Variants in B3GALT1 observed in about 807,000 individuals in gnomAD.
B3GALT1 encodes beta-1,3-galactosyltransferase 1.
Under a neutral mutation model 23.2 loss-of-function variants are expected in B3GALT1, and 10 were observed. The observed-to-expected ratio is 0.43, with a 90% CI of 0.27 to 0.73. The LOEUF (loss-of-function observed/expected upper bound fraction) is 0.73, where lower values mean the gene tolerates loss of function less well. B3GALT1 is among the 30% of genes least tolerant of loss of function. The pLI, the probability that B3GALT1 is intolerant of heterozygous loss-of-function variation, is 0.21. For missense variants in B3GALT1, 299 were observed against 405.4 expected (o/e 0.74, Z 2.25); for synonymous variants, 156 against 141.5 (o/e 1.10, Z -0.73).
chr2:167,704,211 A>T (rs1686936531), intron 3 of B3GALT1, among the ~76,000 whole-genome samples: 1 of 149,790 alleles, frequency 6.7e-6, no homozygotes, highest in Non-Finnish European at 1.5e-5. Context: ...AAGGTAACTC[A>T]GAATTATAAA....
intron 1 of B3GALT1, among the ~76,000 whole-genome samples, chr2:167,390,763 C>G (rs1227230319): frequency 6.6e-6 from 1 of 151,546 alleles, no homozygotes; most frequent in East Asian, 2.0e-4. Flanking sequence ...GGTTCTGTGT[C>G]TGAAGCAGGT....
intron 1 of B3GALT1, among the ~76,000 whole-genome samples, chr2:167,382,332 T>A (rs866541548): frequency 9.2e-5 from 14 of 152,276 alleles, no homozygotes; most frequent in African/African-American, 3.4e-4. Context: ...CCTGATTTTT[T>A]AAAAAATGAA....
chr2:167,583,782 T>G (rs1344646903), intron 2 of B3GALT1, among the ~76,000 whole-genome samples: 1 of 152,306 alleles, frequency 6.6e-6, no homozygotes, highest in East Asian at 1.9e-4. Context: ...TGACAGAAAT[T>G]TTGGATTCTC....
intron 4 of B3GALT1, among the ~76,000 whole-genome samples, chr2:167,840,110 T>C (rs1689604626): frequency 6.6e-6 from 1 of 152,158 alleles, no homozygotes; most frequent in South Asian, 2.1e-4. Context: ...ATTCAGGACA[T>C]AGGCAGGGGC....
chr2:167,443,483 G>C (rs1010415744), intron 1 of B3GALT1, among the ~76,000 whole-genome samples: 3 of 152,148 alleles, frequency 2.0e-5, no homozygotes, highest in African/African-American at 7.2e-5. Context: ...CCATTTTCGT[G>C]ATATTGATTG....
chr2:167,574,067 A>G lies in B3GALT1; in HGVS notation c.-409-72842A>G, dbSNP rs181801779. On this transcript the variant is annotated intron_variant, in intron 2 of 4. Coordinates refer to ENST00000392690, the MANE Select transcript of B3GALT1 (RefSeq NM_020981.4). Reference sequence around the variant, plus strand: ...AGAATCATTTTGAATTTACTTTCAAAATTATTTTGTTTACAGAACTTTACT... The same window carrying G: ...AGAATCATTTTGAATTTACTTTCAAGATTATTTTGTTTACAGAACTTTACT... 1.3e-3 allele frequency among the ~76,000 whole-genome samples: 204 copies of G among 151,808 alleles called. 1 individual carries two copies. The highest frequency in any genetic ancestry group is 2.6e-3 in the Non-Finnish European group (176 of 67,698).
intron 2 of B3GALT1, among the ~76,000 whole-genome samples, chr2:167,515,334 A>G (rs1239503241): frequency 6.6e-6 from 1 of 152,174 alleles, no homozygotes; most frequent in Non-Finnish European, 1.5e-5. Context: ...GCTTAAGGCC[A>G]ATCAAGCATC....
intron 3 of B3GALT1, among the ~76,000 whole-genome samples, chr2:167,677,275 T>C (rs1686444717): frequency 2.0e-5 from 3 of 152,246 alleles, no homozygotes; most frequent in Non-Finnish European, 2.9e-5. Context: ...CATAACACCA[T>C]GTATGCATCT....
chr2:167,654,025 G>A (rs981443520), intron 3 of B3GALT1, among the ~76,000 whole-genome samples: 5 of 152,168 alleles, frequency 3.3e-5, no homozygotes, highest in Non-Finnish European at 7.3e-5. Flanking sequence ...CTGGCTACCT[G>A]AATGGACCAT....
intron 2 of B3GALT1, among the ~76,000 whole-genome samples, chr2:167,543,709 GT>G (rs1040943462): frequency 1.1e-4 from 16 of 152,274 alleles, no homozygotes; most frequent in African/African-American, 3.4e-4. Context: ...TGAAAAAAGT[GT>G]TTAGTAGGAG....
intron 1 of B3GALT1, among the ~76,000 whole-genome samples, chr2:167,482,019 A>G (rs1699568657): frequency 6.6e-6 from 1 of 152,170 alleles, no homozygotes; most frequent in South Asian, 2.1e-4. Context: ...CATATTTCCA[A>G]CCTAACAGCT....
intron 2 of B3GALT1, among the ~76,000 whole-genome samples, chr2:167,580,890 G>C (rs1684472617): frequency 6.6e-6 from 1 of 152,124 alleles, no homozygotes; most frequent in African/African-American, 2.4e-5. Context: ...TAAAGAGACA[G>C]GTGTGGAGAG....
intron 3 of B3GALT1, among the ~76,000 whole-genome samples, chr2:167,676,336 T>C (rs1686425211): frequency 6.6e-6 from 1 of 152,064 alleles, no homozygotes; most frequent in African/African-American, 2.4e-5. Flanking sequence ...ATGTAAGGTT[T>C]CAGAGAAGCA....
At chr2:167,371,560 T>G (rs918798035) in intron 1 of B3GALT1, among the ~76,000 whole-genome samples, 5 of 152,142 alleles carry the variant, frequency 3.3e-5, no homozygotes, top group African/African-American at 1.2e-4. Context: ...ATTCAAACTT[T>G]GGGTAAAACA....
intron 3 of B3GALT1, among the ~76,000 whole-genome samples, chr2:167,761,980 C>T (rs1273211846): frequency 5.3e-5 from 8 of 152,164 alleles, no homozygotes; most frequent in Non-Finnish European, 8.8e-5. Flanking sequence ...AAGTATTAGT[C>T]AAACTAAGTT....
intron 4 of B3GALT1, among the ~76,000 whole-genome samples, chr2:167,843,764 A>G (rs1689698812): frequency 6.6e-6 from 1 of 152,148 alleles, no homozygotes; most frequent in Non-Finnish European, 1.5e-5. Context: ...GTTCCTCTGA[A>G]ATATTAGTGG....
chr2:167,418,208 T>A (rs746276739), intron 1 of B3GALT1, among the ~76,000 whole-genome samples: 8 of 152,228 alleles, frequency 5.3e-5, no homozygotes, highest in Admixed American at 2.0e-4. Context: ...TCCCAGTCCC[T>A]GTGCTTTTCT....
chr2:167,433,135 G>A (rs1180505233), intron 1 of B3GALT1, among the ~76,000 whole-genome samples: 1 of 152,186 alleles, frequency 6.6e-6, no homozygotes, highest in Non-Finnish European at 1.5e-5. Flanking sequence ...ATGGCTTTAC[G>A]GCCTTGATAG....
At chr2:167,799,998 C>T (rs992851292) in intron 3 of B3GALT1, among the ~76,000 whole-genome samples, 9 of 152,038 alleles carry the variant, frequency 5.9e-5, no homozygotes, top group Admixed American at 2.0e-4. Context: ...AGTTTCTCTT[C>T]GCTAGAACGT....
Sources: allele counts gnomAD v4.1 joint callset (sites outside exome capture counted in the v4.1 genomes callset), GRCh38; gene constraint gnomAD v4.1.1; transcripts MANE v1.5; gene names NCBI Gene and HGNC (gene_info 2026-07-23, HGNC 2026-07-21).